DPYD: variants seen among roughly 807,000 people sequenced by gnomAD.
DPYD encodes dihydropyrimidine dehydrogenase [NADP(+)].
DPYD carries 109 observed loss-of-function variants against 116.2 expected under a neutral mutation model. That is an observed-to-expected ratio of 0.94 (90% confidence interval 0.80 to 1.10). The LOEUF is 1.10. Ranked by LOEUF, DPYD falls within the 50% of genes least tolerant of loss-of-function variation. The probability of loss-of-function intolerance (pLI) is 0.00; values close to 1 mark genes in which losing one functional copy is unlikely to be tolerated. For missense variants in DPYD, 1,302 were observed against 1,254.5 expected (o/e 1.04, Z -0.57); for synonymous variants, 440 against 432.0 (o/e 1.02, Z -0.23).
chr1:97,263,232 A>G (rs1338779547), intron 18 of DPYD, among the ~76,000 whole-genome samples: 3 of 152,218 alleles, frequency 2.0e-5, no homozygotes, highest in Admixed American at 2.0e-4. Context: ...CCATACTCCT[A>G]TGGTAACAAG....
intron 19 of DPYD, among the ~76,000 whole-genome samples, chr1:97,227,539 T>C (rs1475125638): frequency 6.6e-6 from 1 of 151,666 alleles, no homozygotes; most frequent in Non-Finnish European, 1.5e-5. Flanking sequence ...ACACCTACTA[T>C]GTACCCACAA....
At chr1:97,829,127 G>C (rs1669397174) in intron 2 of DPYD, among the ~76,000 whole-genome samples, 2 of 151,244 alleles carry the variant, frequency 1.3e-5, no homozygotes, top group African/African-American at 4.9e-5. Flanking sequence ...AAAATAACTA[G>C]ATTTAGTGTA....
chr1:97,425,459 G>A (rs933407697), intron 14 of DPYD, among the ~76,000 whole-genome samples: 7 of 151,996 alleles, frequency 4.6e-5, no homozygotes, highest in African/African-American at 1.7e-4. Context: ...CTGTAAAAAT[G>A]AAGAAAGAAG....
At chr1:97,203,793 C>CAAAAAAAAAAAAAAAAAAAAAAAA (rs56819543) in intron 19 of DPYD, among the ~76,000 whole-genome samples, 1 of 65,694 alleles carries the variant, frequency 1.5e-5, no homozygotes, top group Non-Finnish European at 2.8e-5. Flanking sequence ...ATTCACATTC[C>CAAAAAAAAAAAAAAAAAAAAAAAA]AAAAAAAAAA....
intron 21 of DPYD, among the ~76,000 whole-genome samples, chr1:97,090,604 C>T (rs1649835105): frequency 1.3e-5 from 2 of 152,226 alleles, no homozygotes; most frequent in South Asian, 2.1e-4. Context: ...CAAGGCAGAA[C>T]TAATCCCTTT....
intron 19 of DPYD, among the ~76,000 whole-genome samples, chr1:97,204,420 A>G (rs990141640): frequency 6.6e-6 from 1 of 152,160 alleles, no homozygotes; most frequent in African/African-American, 2.4e-5. Context: ...AACAAATGCA[A>G]TGTCCAAAGA....
intron 8 of DPYD, among the ~76,000 whole-genome samples, chr1:97,672,484 A>C (rs1659921976): frequency 6.6e-6 from 1 of 152,190 alleles, no homozygotes; most frequent in Admixed American, 6.6e-5. Flanking sequence ...TACAAGTGAC[A>C]GTAGATTAAA....
chr1:97,673,308 AC>A (rs150548311), intron 8 of DPYD, among the ~76,000 whole-genome samples: 2,732 of 152,238 alleles, frequency 0.018, 89 homozygotes, highest in African/African-American at 0.063. Context: ...TGCTATTATT[AC>A]CAATATCACC....
intron 8 of DPYD, among the ~76,000 whole-genome samples, chr1:97,630,829 C>T (rs1657215539): frequency 6.6e-6 from 1 of 152,042 alleles, no homozygotes; most frequent in African/African-American, 2.4e-5. Flanking sequence ...TATTTTGCTA[C>T]TATTTTTTGA....
intron 1 of DPYD, among the ~76,000 whole-genome samples, chr1:97,889,600 A>C (rs926757511): frequency 6.6e-6 from 1 of 152,040 alleles, no homozygotes. Context: ...TGTGCCTAAC[A>C]ACAAGGCCCA....
In DPYD at chr1:97,599,799, G is replaced by A. The variant is rs1387745277; in HGVS notation, c.851-4633C>T. Among the ~76,000 whole-genome samples, 12 of 145,398 alleles carry A rather than the reference G, an allele frequency of 8.3e-5. No homozygotes were observed. The East Asian group carries it at 2.0e-3, about 25-fold the overall frequency. On this transcript the variant is annotated intron_variant, in intron 8 of 22. Coordinates refer to ENST00000370192, the MANE Select transcript of DPYD (RefSeq NM_000110.4). ...AGCACTTTGTGAGGCCAAGGTGGGT[G>A]GATCACTTGAGGTCAGGAATTCGAG...
intron 16 of DPYD, among the ~76,000 whole-genome samples, chr1:97,318,635 C>G (rs1038397153): frequency 9.9e-5 from 15 of 151,740 alleles, no homozygotes; most frequent in East Asian, 2.0e-4. Flanking sequence ...AATAATGAGA[C>G]ACTTTAACAC....
At chr1:97,567,173 T>C (rs1171323278) in intron 11 of DPYD, among the ~76,000 whole-genome samples, 5 of 152,124 alleles carry the variant, frequency 3.3e-5, no homozygotes, top group South Asian at 2.1e-4. Flanking sequence ...AATTAACCCA[T>C]GGCCTGCACC....
In DPYD at chr1:97,424,298, T is replaced by C. The variant is rs368072328; in HGVS notation, c.1905+25761A>G. ...GGCTCTAGAACTTTTGATAGGATAGTTTATGCAGAAATAACCATAATGCTG... is the reference window on the plus strand; with the variant it reads ...GGCTCTAGAACTTTTGATAGGATAGCTTATGCAGAAATAACCATAATGCTG... On this transcript the variant is annotated intron_variant, in intron 14 of 22. Transcript: ENST00000370192. Among the ~76,000 whole-genome samples, 39 of 152,174 alleles carry C rather than the reference T, an allele frequency of 2.6e-4. No individual in the cohort carries two copies. The South Asian group carries it at 7.7e-3, about 30-fold the overall frequency.
intron 18 of DPYD, among the ~76,000 whole-genome samples, chr1:97,293,341 A>G (rs1451308663): frequency 6.6e-6 from 1 of 152,206 alleles, no homozygotes; most frequent in Non-Finnish European, 1.5e-5. Context: ...GGGGCAGCTG[A>G]AGCACAGTGC....
intron 18 of DPYD, among the ~76,000 whole-genome samples, chr1:97,250,420 A>C (rs1021739509): frequency 2.9e-4 from 44 of 152,218 alleles, no homozygotes; most frequent in African/African-American, 9.2e-4. Flanking sequence ...ACAGAACTAA[A>C]AAAGTATATG....
intron 20 of DPYD, among the ~76,000 whole-genome samples, chr1:97,149,014 G>C (rs922379208): frequency 2.0e-5 from 3 of 152,110 alleles, no homozygotes; most frequent in African/African-American, 4.8e-5. Flanking sequence ...AATGTTTCAC[G>C]CCCTTTGGAA....
At chr1:97,313,612 T>A (rs1313452226) in intron 16 of DPYD, among the ~76,000 whole-genome samples, 1 of 151,828 alleles carries the variant, frequency 6.6e-6, no homozygotes, top group Admixed American at 6.6e-5. Context: ...CTATTCTGTT[T>A]CTCATTTCAA....
rs1650439761 is a variant in DPYD, at chr1:97,098,635, A to G, written c.2623-3T>C. 1.2e-6 allele frequency: 2 copies of G among 1,612,582 alleles called. No individual in the cohort carries two copies. Among genetic ancestry groups the G allele is most frequent in the Non-Finnish European group, 1.7e-6 (2 of 1,179,250 alleles). Reference sequence around the variant, plus strand: ...TAAGGTCCAAAACTTGGCAGTTTCTAAAAGGAAAACACACAAATAAGGAAG... The same window carrying G: ...TAAGGTCCAAAACTTGGCAGTTTCTGAAAGGAAAACACACAAATAAGGAAG... On this transcript the variant is annotated splice_region_variant and splice_polypyrimidine_tract_variant and intron_variant, in intron 20 of 22. Transcript: ENST00000370192.
Sources: allele counts gnomAD v4.1 joint callset (sites outside exome capture counted in the v4.1 genomes callset), GRCh38; gene constraint gnomAD v4.1.1; transcripts MANE v1.5; gene names NCBI Gene and HGNC (gene_info 2026-07-23, HGNC 2026-07-21).